CARS1: variants seen among roughly 807,000 people sequenced by gnomAD.
CARS1 encodes cysteinyl-tRNA synthetase 1.
In CARS1, 48 loss-of-function variants were observed where a neutral mutation model predicts 106.2. The observed-to-expected ratio is 0.45, with a 90% confidence interval of 0.36 to 0.57. The LOEUF (loss-of-function observed/expected upper bound fraction) is 0.57, where lower values mean the gene tolerates loss of function less well. CARS1 is among the 20% of genes least tolerant of loss of function. The probability of loss-of-function intolerance (pLI) is 0.00; values close to 1 mark genes in which losing one functional copy is unlikely to be tolerated. For missense variants in CARS1, 968 were observed against 1,057.2 expected (o/e 0.92, Z 1.17); for synonymous variants, 409 against 403.4 (o/e 1.01, Z -0.17).
In CARS1 at chr11:3,038,533, GTGCTGCA is replaced by G. The variant is rs1853987718; in HGVS notation, c.652-341_652-335del. Among the ~76,000 whole-genome samples, 1 of 152,198 alleles carries G rather than the reference GTGCTGCA, an allele frequency of 6.6e-6. No individual in the cohort carries two copies. Among genetic ancestry groups the G allele is most frequent in the South Asian group, 2.1e-4 (1 of 4,828 alleles). Reference sequence around the variant, plus strand: ...TAGGCCACCCAGTGTGTTCTGAGGTGTGCTGCAGACACATCCATCAGGAAGGTACTCA... The same window carrying G: ...TAGGCCACCCAGTGTGTTCTGAGGTGGACACATCCATCAGGAAGGTACTCA... On this transcript the variant is annotated intron_variant, in intron 6 of 22. Transcript: ENST00000380525. The surrounding 1 kb of genome is among the most constrained non-coding windows in gnomAD (Gnocchi z 4.0).
rs1853777413 is a variant in CARS1 at position 3,037,308 on chromosome 11, A to G, written c.801+742T>C. ...CAAACTAGAAAGAAACATGCTGGCG[A>G]AGGGCAGACACAGACTCCCTGCCCC... On this transcript the variant is annotated intron_variant, in intron 7 of 22. Coordinates refer to ENST00000380525, the MANE Select transcript of CARS1 (RefSeq NM_001014437.3). The surrounding 1 kb of genome is among the most constrained non-coding windows in gnomAD (Gnocchi z 5.9). Among the ~76,000 whole-genome samples the G allele has an allele frequency of 6.6e-6, 1 of 152,258 alleles. No homozygotes were observed. The highest frequency in any genetic ancestry group is 6.5e-5 in the Admixed American group (1 of 15,290).
intron 18 of CARS1, among the ~76,000 whole-genome samples, chr11:3,011,376 C>A (rs569616335): frequency 2.2e-4 from 34 of 151,684 alleles, no homozygotes; most frequent in Non-Finnish European, 1.5e-5. Flanking sequence ...GAGGCCGAGG[C>A]GGGTGGATCA....
chr11:3,028,729 G>A lies in CARS1; in HGVS notation c.1031+267C>T, dbSNP rs1852377603. 5 of 507,492 alleles carry A rather than the reference G, an allele frequency of 9.9e-6. 1 individual carries two copies. The South Asian group carries it at 1.6e-4, about 17-fold the overall frequency. The allele number at this position is 507,492 out of a possible 1,614,324, so 31.4% of individuals were successfully genotyped here. A position where few individuals can be genotyped will look rare whatever the true frequency, so the allele number is the denominator to read the frequency against. On this transcript the variant is annotated intron_variant, in intron 9 of 22. Coordinates refer to ENST00000380525, the MANE Select transcript of CARS1 (RefSeq NM_001014437.3). This position sits in a 1 kb window ranked among gnomAD's most constrained non-coding sequence, Gnocchi z 4.4. ...CGCACTCACCATTATGCAGCTCTGG[G>A]GCCCCATGACTGATGGTCTTGGCTG...
chr11:3,016,513 G>A (rs1278369773), intron 16 of CARS1, among the ~76,000 whole-genome samples: 1 of 152,154 alleles, frequency 6.6e-6, no homozygotes, highest in Non-Finnish European at 1.5e-5. Flanking sequence ...GTGAGCCACA[G>A]CGCCTGGCGT....
rs754068451 is a variant in CARS1, at chr11:3,018,486, G to A, written c.1551C>T (p.Leu517=). 6 of 1,614,162 alleles carry A rather than the reference G, an allele frequency of 3.7e-6. No homozygotes were observed. Among genetic ancestry groups the A allele is most frequent in the Admixed American group, 3.3e-5 (2 of 60,032 alleles). The change falls in exon 14 of 23, where the codon CTC becomes CTT. Residue 517 remains leucine (L), a synonymous_variant. Transcript: ENST00000380525. The part of the protein sequence containing the change: ...HSARQLRLAF[L]MHSWKDTLDY... Reference sequence around the variant, plus strand: ...CCAGGGTGTCCTTCCACGAGTGCATGAGGAAGGCCAGCCGCAACTGCCGTG... The same window carrying A: ...CCAGGGTGTCCTTCCACGAGTGCATAAGGAAGGCCAGCCGCAACTGCCGTG...
In CARS1 at chr11:3,018,732, G is replaced by A; in HGVS notation, c.1413C>T (p.Asp471=). 1.2e-6 allele frequency: 2 copies of A among 1,613,936 alleles called. No individual in the cohort carries two copies. The highest frequency in any genetic ancestry group is 2.2e-5 in the East Asian group (1 of 44,884). Reference sequence around the variant, plus strand: ...TGTGCAGGAAGTACCTGACCCAGCAGTCGTTTTCAAAGTAGGCCTGCGTGG... The same window carrying A: ...TGTGCAGGAAGTACCTGACCCAGCAATCGTTTTCAAAGTAGGCCTGCGTGG... ...LAQSEAYFEN[D]CWVRYFLHTG... The change falls in exon 13 of 23, where the codon GAC becomes GAT. Residue 471 remains aspartate (D), a synonymous_variant. Transcript: ENST00000380525.
At chr11:3,055,023 A>G (rs557996700) in intron 1 of CARS1, 3 of 700,890 alleles carry the variant, frequency 4.3e-6, no homozygotes, top group African/African-American at 3.5e-5. Context: ...TGCACCTTCA[A>G]GACCGCAAAG....
rs1372444615 is a variant in CARS1 at position 3,019,213 on chromosome 11, C to A, written c.1321G>T (p.Ala441Ser). 7 of 1,511,686 alleles carry A rather than the reference C, an allele frequency of 4.6e-6. No individual in the cohort carries two copies. The highest frequency in any genetic ancestry group is 6.2e-6 in the Non-Finnish European group (7 of 1,129,202). 93.6% of individuals were successfully genotyped at this position (1,511,686 alleles called of 1,614,324 possible). A position where few individuals can be genotyped will look rare whatever the true frequency, so the allele number is the denominator to read the frequency against. The change falls in exon 12 of 23, where the codon GCT becomes TCT. Residue 441 changes from alanine (A) to serine (S), a missense_variant. Transcript: ENST00000380525. This position sits in a 1 kb window ranked among gnomAD's most constrained non-coding sequence, Gnocchi z 6.2. ...CSAMAGTLLG[A>S]SMDIHGGGFD... is the part of the protein sequence containing the mutation. ...CCACCTCCGTGAATGTCCATCGAAG[C>A]CCCTAGGAGGGTGCCTGCCATGGCC...
intron 18 of CARS1, among the ~76,000 whole-genome samples, chr11:3,010,772 C>T (rs1850372971): frequency 6.6e-6 from 1 of 152,264 alleles, no homozygotes; most frequent in East Asian, 1.9e-4. Flanking sequence ...TTCGGCTCCT[C>T]CGCCTCTCGG....
chr11:3,016,897 C>A (rs755314015), intron 16 of CARS1, among the ~76,000 whole-genome samples: 11 of 152,220 alleles, frequency 7.2e-5, no homozygotes, highest in Middle Eastern at 3.2e-3. Flanking sequence ...TAGATGTGAG[C>A]CACTGTGCTC....
At chr11:3,027,796 C>G (rs957066820) in intron 9 of CARS1, 1 of 454,214 alleles carries the variant, frequency 2.2e-6, no homozygotes, top group African/African-American at 2.0e-5. Flanking sequence ...GGAGGATGCC[C>G]GTTGCCAAGC....
intron 10 of CARS1, among the ~76,000 whole-genome samples, chr11:3,024,443 A>T (rs2134172311): frequency 6.6e-6 from 1 of 152,168 alleles, no homozygotes; most frequent in East Asian, 1.9e-4. Flanking sequence ...TTATTTTAAA[A>T]AAAAAATTTT....
Position 3,017,495 on chromosome 11 carries a change from T to C in CARS1, c.1728-200A>G, listed in dbSNP as rs1164560406. On this transcript the variant is annotated intron_variant, in intron 15 of 22. Coordinates refer to ENST00000380525, the MANE Select transcript of CARS1 (RefSeq NM_001014437.3). The surrounding 1 kb of genome is among the most constrained non-coding windows in gnomAD (Gnocchi z 4.9). The stretch of plus-strand genomic sequence containing the variant: ...CCCACCTCTACTAAAAATCTGAAAT[T>C]AGCCAGGTATGGTGGCGCATGCCTG... 4 of 576,592 alleles carry C rather than the reference T, an allele frequency of 6.9e-6. No individual in the cohort carries two copies. The highest frequency in any genetic ancestry group is 1.2e-5 in the Non-Finnish European group (4 of 324,150). 35.7% of individuals were successfully genotyped at this position (576,592 alleles called of 1,614,324 possible). A position where few individuals can be genotyped will look rare whatever the true frequency, so the allele number is the denominator to read the frequency against.
At chr11:3,011,845 G>T (rs1020351906) in intron 18 of CARS1, among the ~76,000 whole-genome samples, 4 of 152,238 alleles carry the variant, frequency 2.6e-5, no homozygotes, top group African/African-American at 9.6e-5. Context: ...ATGGCAGGTG[G>T]TGACTGGGCT....
Position 3,017,013 on chromosome 11 carries a change from G to C in CARS1, c.1917+93C>G, listed in dbSNP as rs993938857. 1.5e-4 allele frequency: 155 copies of C among 1,059,324 alleles called. 1 individual carries two copies. The highest frequency in any genetic ancestry group is 2.8e-4 in the Admixed American group (11 of 39,976). 65.6% of individuals were successfully genotyped at this position (1,059,324 alleles called of 1,614,324 possible). On this transcript the variant is annotated intron_variant, in intron 16 of 22. Coordinates refer to ENST00000380525, the MANE Select transcript of CARS1 (RefSeq NM_001014437.3). The surrounding 1 kb of genome is among the most constrained non-coding windows in gnomAD (Gnocchi z 4.9). ...GTGCTGGGCACCAGGCACAGCACTG[G>C]GGGGCACCAGAGGCCTCTGTTCTCC...
chr11:3,054,912 G>A, intron 1 of CARS1: 1 of 702,640 alleles, frequency 1.4e-6, no homozygotes, highest in Non-Finnish European at 2.6e-6. Flanking sequence ...TCCCAAGTCT[G>A]TGCGGAAAGG....
intron 18 of CARS1, among the ~76,000 whole-genome samples, chr11:3,009,748 A>C (rs1006500140): frequency 1.3e-5 from 2 of 152,188 alleles, no homozygotes; most frequent in South Asian, 2.1e-4. Context: ...TCCAGGGGAA[A>C]CAGTTTCTTT....
In CARS1 at chr11:3,044,733, G is replaced by A. The variant is rs1029873786; in HGVS notation, c.275-2477C>T. 2.6e-5 allele frequency among the ~76,000 whole-genome samples: 4 copies of A among 152,030 alleles called. No homozygotes were observed. The highest frequency in any genetic ancestry group is 5.9e-5 in the Non-Finnish European group (4 of 68,016). ...CTTTGGAAAAAATGAACACACATTC[G>A]TTGATTCCAGAGTCCCACCCTGACC... On this transcript the variant is annotated intron_variant, in intron 2 of 22. Coordinates refer to ENST00000380525, the MANE Select transcript of CARS1 (RefSeq NM_001014437.3). This position sits in a 1 kb window ranked among gnomAD's most constrained non-coding sequence, Gnocchi z 4.4.
rs975022930 is a variant in CARS1, at chr11:3,022,653, T to C, written c.1154-2321A>G. Among the ~76,000 whole-genome samples, 6 of 152,244 alleles carry C rather than the reference T, an allele frequency of 3.9e-5. No homozygotes were observed. The highest frequency in any genetic ancestry group is 1.4e-4 in the African/African-American group (6 of 41,464). On this transcript the variant is annotated intron_variant, in intron 10 of 22. Coordinates refer to ENST00000380525, the MANE Select transcript of CARS1 (RefSeq NM_001014437.3). The surrounding 1 kb of genome is among the most constrained non-coding windows in gnomAD (Gnocchi z 4.9). ...GAGTGAGTGTTTCTAGCTTTGACCCTACAAGCATGTTCATACCAGCACAAC... is the reference window on the plus strand; with the variant it reads ...GAGTGAGTGTTTCTAGCTTTGACCCCACAAGCATGTTCATACCAGCACAAC...
Sources: allele counts gnomAD v4.1 joint callset (sites outside exome capture counted in the v4.1 genomes callset), GRCh38; gene constraint gnomAD v4.1.1; non-coding constraint Gnocchi (gnomAD v3.1); transcripts MANE v1.5; gene names NCBI Gene and HGNC (gene_info 2026-07-23, HGNC 2026-07-21).